Variants in LRP8 observed in about 807,000 individuals in gnomAD.
The protein encoded by LRP8 is low-density lipoprotein receptor-related protein 8.
In LRP8, 46 loss-of-function variants were observed where a neutral mutation model predicts 111.6. The ratio of observed to expected loss-of-function variants is 0.41; its 90% CI spans 0.33 to 0.53. The LOEUF is 0.53. LRP8 is among the 20% of genes least tolerant of loss of function. The probability of loss-of-function intolerance (pLI) is 0.20; values close to 1 mark genes in which losing one functional copy is unlikely to be tolerated. For missense variants in LRP8, 959 were observed against 1,297.4 expected, an observed-to-expected ratio of 0.74 and a Z score of 4.01; for synonymous variants, 464 against 511.2, an observed-to-expected ratio of 0.91 and a Z score of 1.24.
In LRP8 at chr1:53,266,269, C is replaced by G. The variant is rs1055622633; in HGVS notation, c.1427+204G>C. ...AATCCCAGGTGTTTGGGGCTCAAAG[C>G]TGCTAACCCAAGGGAGCCCTCAGAC... On this transcript the variant is annotated intron_variant, in intron 9 of 18. Coordinates refer to ENST00000306052, the MANE Select transcript of LRP8 (RefSeq NM_004631.5). The surrounding 1 kb of genome is among the most constrained non-coding windows in gnomAD (Gnocchi z 5.0). 1.3e-5 allele frequency among the ~76,000 whole-genome samples: 2 copies of G among 152,176 alleles called. No individual in the cohort carries two copies. The highest frequency in any genetic ancestry group is 2.1e-4 in the South Asian group (1 of 4,824).
chr1:53,263,493 G>A (rs1460912824), intron 10 of LRP8, among the ~76,000 whole-genome samples: 7 of 152,224 alleles, frequency 4.6e-5, no homozygotes, highest in African/African-American at 1.7e-4. Context: ...CCACACTGAG[G>A]GAGAGAGGGA....
chr1:53,275,366 C>G lies in LRP8; in HGVS notation c.1006+265G>C, dbSNP rs573969556. ...AGCCACTCACCAGCTGGGACCTGGA[C>G]AAGTGGTGGGGGCTGGACTTCCCAA... is the stretch of plus-strand genomic sequence containing the variant. On this transcript the variant is annotated intron_variant, in intron 6 of 18. Coordinates refer to ENST00000306052, the MANE Select transcript of LRP8 (RefSeq NM_004631.5). This position sits in a 1 kb window ranked among gnomAD's most constrained non-coding sequence, Gnocchi z 4.4. Among the ~76,000 whole-genome samples the G allele has an allele frequency of 1.3e-4, 20 of 152,286 alleles. No homozygotes were observed. Among genetic ancestry groups the G allele is most frequent in the Admixed American group, 7.2e-4 (11 of 15,304 alleles).
At chr1:53,256,955 G>T (rs899249867) in intron 15 of LRP8, among the ~76,000 whole-genome samples, 12 of 152,204 alleles carry the variant, frequency 7.9e-5, no homozygotes, top group Non-Finnish European at 1.2e-4. Flanking sequence ...GTCTATCATG[G>T]CAATCTTGTG....
At chr1:53,260,693 A>G (rs748457985) in intron 12 of LRP8, 88 bp from the exon 13 acceptor site, 42 of 1,369,540 alleles carry the variant, frequency 3.1e-5, no homozygotes, top group Non-Finnish European at 4.2e-5. Flanking sequence ...CATAGTCACA[A>G]GAACTTCCCT....
At position 53,266,569 on chromosome 1, in the gene LRP8, C is replaced by T. The variant is rs772141610; in HGVS notation, c.1331G>A (p.Arg444His). ...GACATTCTTGAGCATGGGGATGAGG[C>T]GTGAATAGTTCCGCTTCACCAGGTC... is the stretch of plus-strand genomic sequence containing the variant. Reference protein sequence around the residue: ...RIDLVKRNYSRLIPMLKNVVA... With the variant: ...RIDLVKRNYSHLIPMLKNVVA... Residue 444 changes from arginine to histidine, a missense_variant, in exon 9 of 19, where the codon CGC (arginine) becomes CAC (histidine). Coordinates refer to ENST00000306052, the MANE Select transcript of LRP8 (RefSeq NM_004631.5). This position sits in a 1 kb window ranked among gnomAD's most constrained non-coding sequence, Gnocchi z 5.0. The T allele has an allele frequency of 1.4e-5, 23 of 1,614,010 alleles. No individual in the cohort carries two copies. Among genetic ancestry groups the T allele is most frequent in the African/African-American group, 6.7e-5 (5 of 74,906 alleles).
Position 53,276,992 on chromosome 1 carries a change from C to G in LRP8, c.583G>C (p.Gly195Arg). ...TCTGCACAGCCGCGCTCATCGCTGCCGTCACCACAGTCGTCGTCGCCGTCG... is the reference window on the plus strand; with the variant it reads ...TCTGCACAGCCGCGCTCATCGCTGCGGTCACCACAGTCGTCGTCGCCGTCG... ...VCDGDDDCGD[G>R]SDERGCADPA... The change falls in exon 5 of 19, where the codon GGC (glycine) becomes CGC (arginine). Residue 195 changes from glycine to arginine, a missense_variant. Gly to Arg is a moderately radical substitution (Grantham distance 125, BLOSUM62 -2). Coordinates refer to ENST00000306052, the MANE Select transcript of LRP8 (RefSeq NM_004631.5). 1 of 1,514,238 alleles carries G rather than the reference C, an allele frequency of 6.6e-7. No individual in the cohort carries two copies. Among genetic ancestry groups the G allele is most frequent in the South Asian group, 1.2e-5 (1 of 83,540 alleles). 93.8% of individuals were successfully genotyped at this position (1,514,238 alleles called of 1,614,324 possible).
At chr1:53,292,689 C>T (rs1182962509) in intron 2 of LRP8, among the ~76,000 whole-genome samples, 1 of 152,174 alleles carries the variant, frequency 6.6e-6, no homozygotes, top group African/African-American at 2.4e-5. Flanking sequence ...CAGTCTCTGC[C>T]AGGTGTTTTT....
At chr1:53,284,834 C>T (rs1647317005) in intron 3 of LRP8, among the ~76,000 whole-genome samples, 1 of 152,200 alleles carries the variant, frequency 6.6e-6, no homozygotes, top group African/African-American at 2.4e-5. Flanking sequence ...TGAGAGATCT[C>T]AGAGGTCACA....
intron 16 of LRP8, 40 bp downstream of exon 16, chr1:53,255,077 G>C (rs941102309): frequency 1.3e-5 from 21 of 1,604,472 alleles, no homozygotes; most frequent in Non-Finnish European, 1.5e-5. Context: ...GCCTAAGCAG[G>C]GTCTCTCTTT....
intron 2 of LRP8, among the ~76,000 whole-genome samples, chr1:53,302,923 C>A: frequency 6.7e-6 from 1 of 148,918 alleles, no homozygotes. Context: ...GGCCTAGAGC[C>A]GTACTACAGC....
At position 53,244,426 on chromosome 1, in the gene LRP8, G is replaced by A. The variant is rs1161283919; in HGVS notation, c.*2592C>T. ...CACGGGGGCAAAAGGCAAAAGATAT[G>A]TAACTGTACCTCAAAATGAGGCTGA... is the stretch of plus-strand genomic sequence containing the variant. On this transcript the variant is annotated 3_prime_UTR_variant, in exon 19 of 19. Coordinates refer to ENST00000306052, the MANE Select transcript of LRP8 (RefSeq NM_004631.5). 1.3e-5 allele frequency: 2 copies of A among 152,258 alleles called. No individual in the cohort carries two copies. Among genetic ancestry groups the A allele is most frequent in the Admixed American group, 6.5e-5 (1 of 15,284 alleles). 9.4% of individuals were successfully genotyped at this position (152,258 alleles called of 1,614,324 possible). A position where few individuals can be genotyped will look rare whatever the true frequency, so the allele number is the denominator to read the frequency against.
intron 3 of LRP8, among the ~76,000 whole-genome samples, chr1:53,287,126 G>A (rs554655147): frequency 6.6e-6 from 1 of 152,336 alleles, no homozygotes; most frequent in East Asian, 1.9e-4. Flanking sequence ...AGCTGGCATA[G>A]CCCCAGGAAC....
chr1:53,327,057 G>A, intron 1 of LRP8, 65 bp from the exon 2 acceptor site: 10 of 1,582,340 alleles, frequency 6.3e-6, no homozygotes, highest in South Asian at 2.3e-5. Context: ...CATGCAGTCC[G>A]GGCCACCCGG....
chr1:53,309,581 G>GAGAGGTC (rs1190974948), intron 2 of LRP8, among the ~76,000 whole-genome samples: 37 of 152,210 alleles, frequency 2.4e-4, no homozygotes, highest in Non-Finnish European at 5.1e-4. Context: ...ACGGTGAGGG[G>GAGAGGTC]AGAGGTCAGG....
intron 2 of LRP8, among the ~76,000 whole-genome samples, chr1:53,311,467 C>G (rs1652982617): frequency 6.6e-6 from 1 of 152,160 alleles, no homozygotes; most frequent in African/African-American, 2.4e-5. Flanking sequence ...CGCCCTCCCC[C>G]AACTCTGCCC....
rs1343517152 is a variant in LRP8, at chr1:53,249,813, A to T, written c.2677-257T>A. ...TTCTCTGTGAGGCATTCCTTGCCTGATTCCCCAGACAGAATTAATAGCTCC... is the reference window on the plus strand; with the variant it reads ...TTCTCTGTGAGGCATTCCTTGCCTGTTTCCCCAGACAGAATTAATAGCTCC... On this transcript the variant is annotated intron_variant, in intron 17 of 18. Coordinates refer to ENST00000306052, the MANE Select transcript of LRP8 (RefSeq NM_004631.5). This position sits in a 1 kb window ranked among gnomAD's most constrained non-coding sequence, Gnocchi z 4.1. 6.6e-6 allele frequency among the ~76,000 whole-genome samples: 1 copy of T among 152,182 alleles called. No individual in the cohort carries two copies. Among genetic ancestry groups the T allele is most frequent in the Non-Finnish European group, 1.5e-5 (1 of 68,028 alleles).
At chr1:53,310,618 CT>C (rs1652812107) in intron 2 of LRP8, among the ~76,000 whole-genome samples, 1 of 152,206 alleles carries the variant, frequency 6.6e-6, no homozygotes, top group Non-Finnish European at 1.5e-5. Flanking sequence ...CTTTTCTGCG[CT>C]GCTCTGAGGA....
At position 53,255,122 on chromosome 1, in the gene LRP8, G is replaced by C. The variant is rs1265644023; in HGVS notation, c.2498C>G (p.Pro833Arg). The change falls in exon 16 of 19, where the codon CCC becomes CGC. Residue 833 changes from proline to arginine, a missense_variant. This residue lies in a region of LRP8 where 819 missense variants were observed against 1,097.6 expected (regional missense o/e 0.75). Coordinates refer to ENST00000306052, the MANE Select transcript of LRP8 (RefSeq NM_004631.5). ...VTAAVIGIIV[P>R]IVVIALLCMS... is the part of the protein sequence containing the mutation. ...TGACTGGGGGCCACACTCACCTATG[G>C]GCACGATGATCCCGATAACAGCGGC... is the stretch of plus-strand genomic sequence containing the variant. The C allele has an allele frequency of 1.2e-6, 2 of 1,613,320 alleles. No individual in the cohort carries two copies.
chr1:53,282,835 T>C (rs1488364886), intron 3 of LRP8, among the ~76,000 whole-genome samples: 1 of 152,068 alleles, frequency 6.6e-6, no homozygotes, highest in Non-Finnish European at 1.5e-5. Flanking sequence ...TTCACTACGA[T>C]AAAAGTGATA....
Sources: gnomAD v4.1 joint callset for allele counts (sites outside exome capture counted in the v4.1 genomes callset) on GRCh38, gnomAD v4.1.1 for gene constraint, gnomAD v4.1.1 regional missense constraint, Gnocchi (gnomAD v3.1) non-coding constraint, MANE v1.5 for transcripts, NCBI Gene and HGNC (gene_info 2026-07-23, HGNC 2026-07-21) for gene names.